BIRC6: variants seen among roughly 807,000 people sequenced by gnomAD.
BIRC6 encodes baculoviral IAP repeat containing 6.
Under a neutral mutation model 503.3 loss-of-function variants are expected in BIRC6, and 98 were observed. That is an observed-to-expected ratio of 0.19 (90% CI 0.17 to 0.23). BIRC6 has a LOEUF of 0.23. Among genes scored for constraint, BIRC6 ranks in the 10% least tolerant of loss-of-function variants. The pLI, the probability that BIRC6 is intolerant of heterozygous loss-of-function variation, is 1.00. For synonymous variants in BIRC6, 2,240 were observed against 2,078.7 expected (o/e 1.08, Z -2.11); for missense variants, 5,360 against 5,806.0 (o/e 0.92, Z 2.50).
At chr2:32,459,960 A>C (rs532275156) in intron 23 of BIRC6, among the ~76,000 whole-genome samples, 113 of 151,070 alleles carry the variant, frequency 7.5e-4, no homozygotes, top group African/African-American at 2.6e-3. Flanking sequence ...TATAGTTTGC[A>C]GTTTCTTAGA....
intron 65 of BIRC6, 66 bp downstream of exon 65, chr2:32,549,547 A>G (rs1390938651): frequency 3.3e-6 from 4 of 1,229,082 alleles, no homozygotes; most frequent in Non-Finnish European, 4.3e-6. Flanking sequence ...TCATTGTCTA[A>G]TAGTAAGTTT....
chr2:32,517,670 G>A (rs1326772356), intron 55 of BIRC6, among the ~76,000 whole-genome samples: 1 of 151,976 alleles, frequency 6.6e-6, no homozygotes, highest in African/African-American at 2.4e-5. Flanking sequence ...TGAAACTTTC[G>A]GGCTCAAGAA....
intron 65 of BIRC6, among the ~76,000 whole-genome samples, chr2:32,554,119 T>C (rs2150494420): frequency 6.6e-6 from 1 of 152,338 alleles, no homozygotes; most frequent in African/African-American, 2.4e-5. Context: ...AATGTTACTT[T>C]AGAGACCCTC....
chr2:32,549,027 A>G (rs935217569), intron 64 of BIRC6: 1 of 203,904 alleles, frequency 4.9e-6, no homozygotes, highest in Non-Finnish European at 9.7e-6. Flanking sequence ...ATTCAATAAA[A>G]TATGTAAATA....
At position 32,501,751 on chromosome 2, in the gene BIRC6, C is replaced by A; in HGVS notation, c.9070C>A (p.His3024Asn). 6.8e-6 allele frequency: 11 copies of A among 1,612,354 alleles called. 1 individual carries two copies. The highest frequency in any genetic ancestry group is 8.5e-6 in the Non-Finnish European group (10 of 1,179,500). ...GLHLTKHENF[H>N]GGLDAISVGD... Reference sequence around the variant, plus strand: ...ACATCTCACTAAACATGAAAACTTTCATGGTGGGTTGGATGCCATATCAGT... The same window carrying A: ...ACATCTCACTAAACATGAAAACTTTAATGGTGGGTTGGATGCCATATCAGT... The change falls in exon 47 of 74, where the codon CAT becomes AAT. Residue 3024 changes from histidine (H) to asparagine (N), a missense_variant. Physicochemically the swap from His to Asn is moderately conservative, Grantham distance 68 (BLOSUM62 1). Coordinates refer to ENST00000421745, the MANE Select transcript of BIRC6 (RefSeq NM_016252.4).
chr2:32,447,439 C>G (rs1212928139), intron 21 of BIRC6, among the ~76,000 whole-genome samples: 164 of 148,526 alleles, frequency 1.1e-3, no homozygotes, highest in African/African-American at 4.0e-3. Flanking sequence ...GGCTGACCCC[C>G]CACCTCCCTC....
intron 1 of BIRC6, among the ~76,000 whole-genome samples, chr2:32,367,980 A>T (rs1237724024): frequency 6.6e-6 from 1 of 152,232 alleles, no homozygotes; most frequent in African/African-American, 2.4e-5. Flanking sequence ...TGTGGGCAGC[A>T]GGAATTTAAA....
At chr2:32,406,376 A>G (rs1211038232) in intron 8 of BIRC6, 123 bp from the exon 9 acceptor site, 1 of 665,860 alleles carries the variant, frequency 1.5e-6, no homozygotes, top group Non-Finnish European at 2.6e-6. Context: ...TCCAGCCTGG[A>G]TGACAGACTG....
At chr2:32,516,180 T>G (rs910894443) in intron 55 of BIRC6, among the ~76,000 whole-genome samples, 1 of 152,178 alleles carries the variant, frequency 6.6e-6, no homozygotes, top group Non-Finnish European at 1.5e-5. Context: ...GGCATTAGAT[T>G]AGGTTTCAGA....
chr2:32,359,025 A>G (rs572194683), intron 1 of BIRC6, among the ~76,000 whole-genome samples: 1 of 152,326 alleles, frequency 6.6e-6, no homozygotes, highest in East Asian at 1.9e-4. Context: ...AGTGAACACC[A>G]TGCATCCCCA....
intron 71 of BIRC6, among the ~76,000 whole-genome samples, chr2:32,605,171 A>G (rs1024647675): frequency 3.3e-5 from 5 of 152,172 alleles, no homozygotes; most frequent in Admixed American, 6.5e-5. Flanking sequence ...GCGTTAGCCA[A>G]CGTGCCCAGC....
chr2:32,368,100 T>G (rs1183239550), intron 1 of BIRC6, among the ~76,000 whole-genome samples: 1 of 152,184 alleles, frequency 6.6e-6, no homozygotes, highest in East Asian at 1.9e-4. Flanking sequence ...TTTAGAATCA[T>G]CAGGGGAAAT....
Position 32,464,743 on chromosome 2 carries a change from C to G in BIRC6, c.5176C>G (p.Gln1726Glu), listed in dbSNP as rs1301124418. 12 of 1,614,032 alleles carry G rather than the reference C, an allele frequency of 7.4e-6. No individual in the cohort carries two copies. Among genetic ancestry groups the G allele is most frequent in the Non-Finnish European group, 1.0e-5 (12 of 1,179,890 alleles). Residue 1726 changes from glutamine (Q) to glutamate (E), a missense_variant, in exon 25 of 74, where the codon CAG (glutamine) becomes GAG (glutamate). This residue lies in a region of BIRC6 where 2,299 missense variants were observed against 2,267.2 expected (regional missense o/e 1.01). Transcript: ENST00000421745. ...VSVVINAELAQLFPGSVIDPP... is the reference protein window; with the variant it reads ...VSVVINAELAELFPGSVIDPP... ...CGTTGTGATTAATGCCGAACTTGCACAGCTTTTCCCAGGCTCAGTCATTGA... is the reference window on the plus strand; with the variant it reads ...CGTTGTGATTAATGCCGAACTTGCAGAGCTTTTCCCAGGCTCAGTCATTGA...
At chr2:32,511,201 C>CTTT in intron 53 of BIRC6, among the ~76,000 whole-genome samples, 29 of 48,574 alleles carry the variant, frequency 6.0e-4, no homozygotes, top group African/African-American at 1.8e-3. Context: ...CTTTTCTTTT[C>CTTT]TTTTTTTTTT....
At chr2:32,526,464 A>T (rs1289289890) in intron 59 of BIRC6, 1 of 152,218 alleles carries the variant, frequency 6.6e-6, no homozygotes, top group East Asian at 1.9e-4. Context: ...GGAAGTATTT[A>T]TGTTTATCTG....
At chr2:32,434,486 G>A (rs796760061) in intron 13 of BIRC6, among the ~76,000 whole-genome samples, 39 of 152,082 alleles carry the variant, frequency 2.6e-4, no homozygotes, top group African/African-American at 8.9e-4. Flanking sequence ...ACAACCAATC[G>A]TGGATTGAAA....
chr2:32,587,201 A>G (rs2061091448), intron 66 of BIRC6, among the ~76,000 whole-genome samples: 1 of 152,230 alleles, frequency 6.6e-6, no homozygotes, highest in African/African-American at 2.4e-5. Flanking sequence ...AGCCTAGCCA[A>G]CATGGTGAAA....
chr2:32,478,621 A>C lies in BIRC6; in HGVS notation c.7069-14A>C. 6.3e-7 allele frequency: 1 copy of C among 1,591,366 alleles called. No homozygotes were observed. Among genetic ancestry groups the C allele is most frequent in the Non-Finnish European group, 8.5e-7 (1 of 1,170,524 alleles). ...TTGCTATTTAAGTGTATGATTTTAT[A>C]AAATGTATTACAGGTTCTTGCACGC... On this transcript the variant is annotated splice_polypyrimidine_tract_variant and intron_variant, in intron 35 of 73. Transcript: ENST00000421745.
chr2:32,374,699 C>G (rs2036489026), intron 1 of BIRC6, among the ~76,000 whole-genome samples: 1 of 152,036 alleles, frequency 6.6e-6, no homozygotes, highest in Non-Finnish European at 1.5e-5. Flanking sequence ...GTCTCGATCT[C>G]CTGACCTTGT....
Sources: allele counts gnomAD v4.1 joint callset (sites outside exome capture counted in the v4.1 genomes callset), GRCh38; gene constraint gnomAD v4.1.1; regional missense constraint gnomAD v4.1.1; transcripts MANE v1.5; gene names NCBI Gene and HGNC (gene_info 2026-07-23, HGNC 2026-07-21).